SRGAP2B: variants seen among roughly 807,000 people sequenced by gnomAD.
SRGAP2B encodes the protein SLIT-ROBO Rho GTPase-activating protein 2B.
A neutral mutation model predicts 22.2 loss-of-function variants in SRGAP2B; 9 were observed. That is an observed-to-expected ratio of 0.41 (90% CI 0.24 to 0.71). SRGAP2B has a LOEUF of 0.71. Among genes scored for constraint, SRGAP2B ranks in the 30% least tolerant of loss-of-function variants. SRGAP2B has a pLI of 0.35. For missense variants in SRGAP2B, 114 were observed against 235.8 expected, an observed-to-expected ratio of 0.48 and a Z score of 3.38; for synonymous variants, 36 against 87.4, an observed-to-expected ratio of 0.41 and a Z score of 3.28.
At chr1:145,009,372 A>C (rs1412156569) in intron 2 of SRGAP2B, among the ~76,000 whole-genome samples, 1 of 149,498 alleles carries the variant, frequency 6.7e-6, no homozygotes, top group Non-Finnish European at 1.5e-5. Context: ...GCGGATCACG[A>C]GGTCAGGAGA....
intron 2 of SRGAP2B, among the ~76,000 whole-genome samples, chr1:145,017,760 T>C (rs1445545317): frequency 7.4e-5 from 11 of 149,202 alleles, no homozygotes; most frequent in Non-Finnish European, 1.5e-4. Flanking sequence ...TGAGTTGTGC[T>C]TTCCCTGTCT....
chr1:144,990,971 C>T (rs28811641), intron 3 of SRGAP2B, among the ~76,000 whole-genome samples: 2 of 150,358 alleles, frequency 1.3e-5, no homozygotes, highest in Admixed American at 1.3e-4. Context: ...GCCTCCCCGA[C>T]GAGCACCACC....
At chr1:145,079,885 T>G (rs1652769382) in intron 2 of SRGAP2B, among the ~76,000 whole-genome samples, 3 of 149,624 alleles carry the variant, frequency 2.0e-5, no homozygotes, top group African/African-American at 5.0e-5. Context: ...TGAAGTCACT[T>G]CCCGAACAAC....
chr1:144,995,180 C>G, exon 3 of SRGAP2B: 1 of 881,512 alleles, frequency 1.1e-6, no homozygotes, highest in South Asian at 1.7e-5. Context: ...TTCATCTGCT[C>G]TGTGAGCTGA....
At chr1:145,039,303 C>T (rs1648990442) in intron 2 of SRGAP2B, among the ~76,000 whole-genome samples, 1 of 40,890 alleles carries the variant, frequency 2.4e-5, no homozygotes, top group Non-Finnish European at 4.8e-5. Flanking sequence ...TAGGGAGACC[C>T]TGTCTCTACA....
chr1:145,045,070 A>T (rs868925631), intron 2 of SRGAP2B, among the ~76,000 whole-genome samples: 86 of 144,388 alleles, frequency 6.0e-4, no homozygotes, highest in Non-Finnish European at 1.1e-3. Flanking sequence ...AAACAAAAAA[A>T]AAAGGATCGA....
intron 3 of SRGAP2B, among the ~76,000 whole-genome samples, chr1:144,984,850 G>A (rs1299664600): frequency 6.0e-5 from 9 of 150,588 alleles, no homozygotes; most frequent in Non-Finnish European, 1.3e-4. Context: ...CCCTAATCAA[G>A]GGTCAAGGCC....
At chr1:145,038,228 A>G (rs1648877462) in intron 2 of SRGAP2B, among the ~76,000 whole-genome samples, 1 of 87,922 alleles carries the variant, frequency 1.1e-5, no homozygotes, top group Admixed American at 1.3e-4. Flanking sequence ...AGGACAAAAT[A>G]GTACACAACA....
chr1:145,006,418 A>G (rs1293671741), intron 2 of SRGAP2B, among the ~76,000 whole-genome samples: 44 of 149,412 alleles, frequency 2.9e-4, no homozygotes, highest in Non-Finnish European at 4.9e-4. Context: ...CTTTCTCCCC[A>G]TTCCTGCTTC....
At chr1:144,992,283 G>A (rs587728828) in intron 3 of SRGAP2B, among the ~76,000 whole-genome samples, 4 of 151,020 alleles carry the variant, frequency 2.6e-5, no homozygotes, top group East Asian at 1.9e-4. Context: ...GCGAGGGTCC[G>A]CGGCCTCATT....
intron 2 of SRGAP2B, among the ~76,000 whole-genome samples, chr1:145,057,195 G>A (rs1376755371): frequency 2.0e-5 from 3 of 148,110 alleles, no homozygotes; most frequent in Admixed American, 1.4e-4. Context: ...CTTTGGGAAA[G>A]GGCAGCACAG....
rs200958388 is a variant in SRGAP2B at position 145,087,972 on chromosome 1, CT to C, written c.67+4862del. Among the ~76,000 whole-genome samples, 1,314 of 150,860 alleles carry C rather than the reference CT, an allele frequency of 8.7e-3. 28 individuals carry two copies. Among genetic ancestry groups the C allele is most frequent in the South Asian group, 0.035 (166 of 4,774 alleles). Reference sequence around the variant, plus strand: ...AGTTCACCTTACTGCTGCAGAGTAGCTTTTTTTGTTGCTGTTTTTTCCCCTG... The same window carrying C: ...AGTTCACCTTACTGCTGCAGAGTAGCTTTTTTGTTGCTGTTTTTTCCCCTG... On this transcript the variant is annotated intron_variant, in intron 2 of 9. Transcript: ENST00000612199.
intron 3 of SRGAP2B, among the ~76,000 whole-genome samples, chr1:144,966,366 C>T (rs1441700632): frequency 1.3e-5 from 2 of 148,798 alleles, no homozygotes; most frequent in Admixed American, 1.3e-4. Context: ...AATTTTCAAC[C>T]CAGAATTTCA....
intron 2 of SRGAP2B, among the ~76,000 whole-genome samples, chr1:145,044,650 TAAAAAAAAAAAAAAAAAA>T (rs1184404731): frequency 1.2e-3 from 36 of 30,640 alleles, no homozygotes; most frequent in South Asian, 3.6e-3. Flanking sequence ...AACCCCCTCC[TAAAAAAAAAAAAAAAAAA>T]AAAAAAAAAA....
intron 3 of SRGAP2B, among the ~76,000 whole-genome samples, chr1:144,973,303 T>G (rs587749582): frequency 5.1e-4 from 74 of 146,202 alleles, no homozygotes; most frequent in Admixed American, 1.1e-3. Context: ...TGGTCTTAAA[T>G]TATGGGAGAT....
chr1:144,918,218 A>G (rs1664009862), intron 4 of SRGAP2B: 1 of 140,490 alleles, frequency 7.1e-6, no homozygotes. Context: ...AAGTTGGGGG[A>G]AAAAATTACT....
At chr1:145,020,785 G>T (rs1553623917) in intron 2 of SRGAP2B, among the ~76,000 whole-genome samples, 3 of 150,632 alleles carry the variant, frequency 2.0e-5, no homozygotes, top group Non-Finnish European at 4.4e-5. Context: ...GAAAAAAAGG[G>T]TCTTCTACTC....
intron 3 of SRGAP2B, among the ~76,000 whole-genome samples, chr1:144,956,997 G>A (rs1201833202): frequency 2.7e-5 from 4 of 150,772 alleles, no homozygotes; most frequent in African/African-American, 5.0e-5. Flanking sequence ...ACCACATTTG[G>A]AAGATGAGGA....
rs375042333 is a variant in SRGAP2B, at chr1:145,044,719, A to G, written c.67+48116T>C. 3.8e-4 allele frequency among the ~76,000 whole-genome samples: 46 copies of G among 121,024 alleles called. No homozygotes were observed. In the East Asian group the frequency reaches 9.7e-3, roughly 26 times the overall value. The allele number at this position is 121,024 out of a possible 152,430, so 79.4% of individuals were successfully genotyped here. ...AAAAAAACAGAAAAAGCAAGACAAG[A>G]CAGAATGTGAGCTAAGCAGCTTAGG... is the stretch of plus-strand genomic sequence containing the variant. On this transcript the variant is annotated intron_variant, in intron 2 of 9. Transcript: ENST00000612199.
Sources: allele counts gnomAD v4.1 joint callset (sites outside exome capture counted in the v4.1 genomes callset), GRCh38; gene constraint gnomAD v4.1.1; transcripts MANE v1.5; gene names NCBI Gene and HGNC (gene_info 2026-07-23, HGNC 2026-07-21).